DLG2: variants seen among roughly 807,000 people sequenced by gnomAD.
DLG2 encodes discs large MAGUK scaffold protein 2.
DLG2 carries 45 observed loss-of-function variants against 132.5 expected under a neutral mutation model. The observed-to-expected ratio is 0.34, with a 90% confidence interval of 0.27 to 0.44. The LOEUF is 0.44. DLG2 is among the 20% of genes least tolerant of loss of function. The pLI is 1.00. For synonymous variants in DLG2, 424 were observed against 419.6 expected, an observed-to-expected ratio of 1.01 and a Z score of -0.13; for missense variants, 1,045 against 1,196.9, an observed-to-expected ratio of 0.87 and a Z score of 1.87.
intron 6 of DLG2, among the ~76,000 whole-genome samples, chr11:84,608,066 C>G (rs994429232): frequency 3.9e-5 from 6 of 152,134 alleles, no homozygotes; most frequent in Non-Finnish European, 8.8e-5. Context: ...AAATTGAAGA[C>G]AATTCCTTAT....
chr11:83,964,033 A>G (rs575350820), intron 13 of DLG2, among the ~76,000 whole-genome samples: 1 of 152,070 alleles, frequency 6.6e-6, no homozygotes, highest in African/African-American at 2.4e-5. Context: ...TATATATCTG[A>G]GTTAGCCTTC....
intron 11 of DLG2, among the ~76,000 whole-genome samples, chr11:84,053,027 A>G (rs928121842): frequency 1.3e-5 from 2 of 152,084 alleles, no homozygotes; most frequent in Non-Finnish European, 2.9e-5. Context: ...ATGCCCATCA[A>G]TGACAGACTG....
At position 84,640,042 on chromosome 11, in the gene DLG2, A is replaced by G. The variant is rs1315550108; in HGVS notation, c.358-105311T>C. On this transcript the variant is annotated intron_variant, in intron 6 of 27. Coordinates refer to ENST00000376104, the MANE Select transcript of DLG2 (RefSeq NM_001142699.3). ...ACTGTCGGCACTCCAGAAAATGTCA[A>G]CGTTACTCTGAAGGGACACACAGTT... 1.1e-5 allele frequency: 3 copies of G among 279,590 alleles called. No homozygotes were observed. In the East Asian group the frequency reaches 3.1e-4, roughly 29 times the overall value. The allele number at this position is 279,590 out of a possible 1,614,324, so 17.3% of individuals were successfully genotyped here.
At chr11:83,783,002 A>G (rs1307410806) in intron 18 of DLG2, among the ~76,000 whole-genome samples, 2 of 152,198 alleles carry the variant, frequency 1.3e-5, no homozygotes, top group Non-Finnish European at 2.9e-5. Flanking sequence ...GCTTAAATGG[A>G]ATTATTATTG....
chr11:84,854,918 G>GT (rs927957275), intron 6 of DLG2, among the ~76,000 whole-genome samples: 10 of 151,996 alleles, frequency 6.6e-5, no homozygotes, highest in Admixed American at 3.9e-4. Context: ...ACTTAGCTCT[G>GT]TGAGGGCAGT....
intron 3 of DLG2, among the ~76,000 whole-genome samples, chr11:85,437,063 C>T (rs1413405884): frequency 6.6e-6 from 1 of 152,100 alleles, no homozygotes; most frequent in Non-Finnish European, 1.5e-5. Flanking sequence ...GAAAGCCAAA[C>T]ACAGTGTGTT....
At chr11:84,600,545 G>T (rs1262748772) in intron 6 of DLG2, among the ~76,000 whole-genome samples, 1 of 152,138 alleles carries the variant, frequency 6.6e-6, no homozygotes, top group Non-Finnish European at 1.5e-5. Context: ...AACACAAGCT[G>T]GTTATGAGGA....
chr11:84,626,884 A>ATTTTAT (rs1264220414), intron 6 of DLG2, among the ~76,000 whole-genome samples: 2 of 150,658 alleles, frequency 1.3e-5, no homozygotes, highest in Admixed American at 1.3e-4. Flanking sequence ...ATTTTATTTT[A>ATTTTAT]TTTTTGAGAT....
intron 6 of DLG2, among the ~76,000 whole-genome samples, chr11:85,093,909 T>C (rs889395567): frequency 7.2e-5 from 11 of 152,156 alleles, no homozygotes; most frequent in Non-Finnish European, 1.6e-4. Flanking sequence ...TTGGGATCCA[T>C]TGCATCTCAA....
At chr11:83,720,784 A>T (rs1217000736) in intron 18 of DLG2, 1 of 138,832 alleles carries the variant, frequency 7.2e-6, no homozygotes, top group Non-Finnish European at 1.5e-5. Context: ...AGGGCCAGGG[A>T]AGAAGCTTCT....
chr11:84,014,185 T>C (rs1055605486), intron 11 of DLG2, among the ~76,000 whole-genome samples: 12 of 152,294 alleles, frequency 7.9e-5, no homozygotes, highest in African/African-American at 2.9e-4. Context: ...TTTGATTAAA[T>C]ATTTTGTGAA....
intron 11 of DLG2, among the ~76,000 whole-genome samples, chr11:84,001,354 C>A (rs952126024): frequency 6.8e-6 from 1 of 146,562 alleles, no homozygotes; most frequent in Non-Finnish European, 1.5e-5. Context: ...AAAGAGAAAT[C>A]AGAAAATTAT....
intron 3 of DLG2, among the ~76,000 whole-genome samples, chr11:85,421,671 C>A (rs1404299671): frequency 6.6e-6 from 1 of 151,986 alleles, no homozygotes; most frequent in Non-Finnish European, 1.5e-5. Context: ...CAATGTTAGT[C>A]TTGAAATGTG....
chr11:84,356,127 G>A (rs1371755788), intron 7 of DLG2, among the ~76,000 whole-genome samples: 1 of 152,140 alleles, frequency 6.6e-6, no homozygotes, highest in African/African-American at 2.4e-5. Context: ...TAAGATAAAT[G>A]CTTCAGACTC....
intron 6 of DLG2, among the ~76,000 whole-genome samples, chr11:84,642,092 A>T (rs1014748865): frequency 7.2e-6 from 1 of 139,154 alleles, no homozygotes; most frequent in Admixed American, 7.0e-5. Flanking sequence ...GTATATGTAG[A>T]GTGTGTGTGT....
chr11:85,403,326 C>T (rs2088373034), intron 3 of DLG2, among the ~76,000 whole-genome samples: 1 of 151,874 alleles, frequency 6.6e-6, no homozygotes, highest in South Asian at 2.1e-4. Context: ...GTACATCAAA[C>T]ATTGGGGCCT....
intron 20 of DLG2, among the ~76,000 whole-genome samples, chr11:83,534,501 G>T (rs1364453814): frequency 6.6e-6 from 1 of 152,184 alleles, no homozygotes; most frequent in Non-Finnish European, 1.5e-5. Context: ...GCTCTTTTGT[G>T]TTCCCAACTG....
Position 84,600,526 on chromosome 11 carries a change from T to A in DLG2, c.358-65795A>T, listed in dbSNP as rs542417860. 2.0e-5 allele frequency among the ~76,000 whole-genome samples: 3 copies of A among 152,334 alleles called. No individual in the cohort carries two copies. In the South Asian group the frequency reaches 6.2e-4, roughly 32 times the overall value. ...TCCAGGATTATTGAGGCTAAGTAACTTGTTCTGTAACACAAGCTGGTTATG... is the reference window on the plus strand; with the variant it reads ...TCCAGGATTATTGAGGCTAAGTAACATGTTCTGTAACACAAGCTGGTTATG... On this transcript the variant is annotated intron_variant, in intron 6 of 27. Coordinates refer to ENST00000376104, the MANE Select transcript of DLG2 (RefSeq NM_001142699.3).
intron 6 of DLG2, among the ~76,000 whole-genome samples, chr11:84,806,311 C>A (rs559105647): frequency 3.7e-4 from 56 of 152,088 alleles, no homozygotes; most frequent in South Asian, 1.2e-3. Flanking sequence ...CAAATCATAA[C>A]AAACAGATTC....
Sources: allele counts gnomAD v4.1 joint callset (sites outside exome capture counted in the v4.1 genomes callset), GRCh38; gene constraint gnomAD v4.1.1; transcripts MANE v1.5; gene names NCBI Gene and HGNC (gene_info 2026-07-23, HGNC 2026-07-21).